The following ARID3B variants were observed in gnomAD, a reference collection of about 807,000 sequenced individuals.
ARID3B encodes AT-rich interactive domain-containing protein 3B.
Under a neutral mutation model 51.9 loss-of-function variants are expected in ARID3B, and 10 were observed. That is an observed-to-expected ratio of 0.19 (90% CI 0.12 to 0.33). The LOEUF is 0.33. Ranked by LOEUF, ARID3B falls within the 10% of genes least tolerant of loss-of-function variation. The pLI, the probability that ARID3B is intolerant of heterozygous loss-of-function variation, is 1.00. For missense variants in ARID3B, 483 were observed against 716.3 expected (o/e 0.67, Z 3.72); for synonymous variants, 205 against 279.5 (o/e 0.73, Z 2.66).
chr15:74,544,935 C>T (rs888368882), intron 2 of ARID3B, among the ~76,000 whole-genome samples: 3 of 152,158 alleles, frequency 2.0e-5, no homozygotes, highest in African/African-American at 7.2e-5. Context: ...CGTGATCTGC[C>T]TGCCTCGGCC....
At chr15:74,578,042 A>G (rs1222358115) in intron 4 of ARID3B, among the ~76,000 whole-genome samples, 1 of 151,594 alleles carries the variant, frequency 6.6e-6, no homozygotes, top group Non-Finnish European at 1.5e-5. Flanking sequence ...ATTTTTTAGT[A>G]AAAACAGTTT....
intron 4 of ARID3B, among the ~76,000 whole-genome samples, chr15:74,585,511 A>G (rs1221783228): frequency 6.6e-6 from 1 of 152,226 alleles, no homozygotes; most frequent in Non-Finnish European, 1.5e-5. Flanking sequence ...TCCTAAAACC[A>G]TGTGATTCTC....
Position 74,597,364 on chromosome 15 carries a change from G to T in ARID3B, c.*1590G>T. On this transcript the variant is annotated 3_prime_UTR_variant, in exon 9 of 9. Coordinates refer to ENST00000346246, the MANE Select transcript of ARID3B (RefSeq NM_006465.4). ...GCGCGTGGCGTGGGTGTGTGTGGCA[G>T]CGTGGCTCGCATTCAGTCCTGTGTA... is the stretch of plus-strand genomic sequence containing the variant. The T allele has an allele frequency of 2.3e-6, 1 of 431,238 alleles. No individual in the cohort carries two copies. The highest frequency in any genetic ancestry group is 4.2e-5 in the East Asian group (1 of 23,970). The allele number at this position is 431,238 out of a possible 1,614,324, so 26.7% of individuals were successfully genotyped here.
chr15:74,576,673 C>CT (rs963112142), intron 4 of ARID3B, among the ~76,000 whole-genome samples: 7 of 151,594 alleles, frequency 4.6e-5, no homozygotes, highest in African/African-American at 1.5e-4. Context: ...AAAAAAAAAA[C>CT]TTTTTATGAA....
At chr15:74,572,989 C>T in intron 3 of ARID3B, 56 bp downstream of exon 3, 6 of 1,601,268 alleles carry the variant, frequency 3.7e-6, no homozygotes, top group South Asian at 1.1e-5. Context: ...TGGCTTGTTA[C>T]AGCTGATTCC....
chr15:74,567,980 G>A (rs2065741983), intron 2 of ARID3B, among the ~76,000 whole-genome samples: 1 of 152,168 alleles, frequency 6.6e-6, no homozygotes, highest in Admixed American at 6.5e-5. Flanking sequence ...AGTGTAAGCT[G>A]CCATCTTCCT....
rs369880152 is a variant in ARID3B at position 74,580,671 on chromosome 15, A to C, written c.697+7467A>C. ...AGTGACTCACCTAAGGCCACAGAGC[A>C]GACTTAGCACGCGGTCTCCTAACTC... On this transcript the variant is annotated intron_variant, in intron 4 of 8. Transcript: ENST00000346246. 1.9e-3 allele frequency among the ~76,000 whole-genome samples: 296 copies of C among 152,342 alleles called. 1 individual carries two copies. Among genetic ancestry groups the C allele is most frequent in the African/African-American group, 6.4e-3 (265 of 41,578 alleles).
chr15:74,552,368 T>C (rs1229071238), intron 2 of ARID3B, among the ~76,000 whole-genome samples: 1 of 7,866 alleles, frequency 1.3e-4, no homozygotes, highest in African/African-American at 5.0e-4. Context: ...GCTAATTTTG[T>C]ATTTTTGGTA....
At chr15:74,584,651 C>T (rs944589511) in intron 4 of ARID3B, among the ~76,000 whole-genome samples, 6 of 152,246 alleles carry the variant, frequency 3.9e-5, no homozygotes, top group African/African-American at 1.2e-4. Context: ...TCATCTTTGT[C>T]TCCAAAGCCA....
chr15:74,549,230 A>G (rs1184542876), intron 2 of ARID3B, among the ~76,000 whole-genome samples: 1 of 151,718 alleles, frequency 6.6e-6, no homozygotes, highest in Non-Finnish European at 1.5e-5. Flanking sequence ...GCCCGCCACC[A>G]CGCCCGGCTA....
At chr15:74,570,275 A>G (rs1053668982) in intron 2 of ARID3B, among the ~76,000 whole-genome samples, 3 of 152,008 alleles carry the variant, frequency 2.0e-5, no homozygotes, top group Non-Finnish European at 4.4e-5. Context: ...GAGCGCTCAC[A>G]CTTGGGTGTT....
At chr15:74,585,874 C>T (rs941617490) in intron 4 of ARID3B, among the ~76,000 whole-genome samples, 3 of 152,208 alleles carry the variant, frequency 2.0e-5, no homozygotes, top group African/African-American at 4.8e-5. Flanking sequence ...ATCAAAGACG[C>T]GGCAGGCTTT....
At chr15:74,561,279 T>A (rs1298875795) in intron 2 of ARID3B, among the ~76,000 whole-genome samples, 1 of 152,200 alleles carries the variant, frequency 6.6e-6, no homozygotes, top group African/African-American at 2.4e-5. Context: ...CTTTACTACA[T>A]CTAGAATGAA....
At chr15:74,565,185 T>C (rs1432932071) in intron 2 of ARID3B, among the ~76,000 whole-genome samples, 3 of 152,028 alleles carry the variant, frequency 2.0e-5, no homozygotes, top group African/African-American at 2.4e-5. Flanking sequence ...GCTGGGACTA[T>C]AGGCATGTGC....
chr15:74,573,321 A>T, intron 4 of ARID3B, 117 bp downstream of exon 4: 1 of 1,116,786 alleles, frequency 9.0e-7, no homozygotes, highest in Non-Finnish European at 1.4e-6. Flanking sequence ...GAGAAGAGGC[A>T]TTTACTGCCA....
At position 74,596,183 on chromosome 15, in the gene ARID3B, A is replaced by G. The variant is rs1446459249; in HGVS notation, c.*409A>G. 4.1e-6 allele frequency: 1 copy of G among 246,910 alleles called. No homozygotes were observed. Among genetic ancestry groups the G allele is most frequent in the African/African-American group, 2.2e-5 (1 of 45,646 alleles). The allele number at this position is 246,910 out of a possible 1,614,324, so 15.3% of individuals were successfully genotyped here. ...TGCCTTCTGCCATGACCCCAGGGCC[A>G]CTAGTCTCTTCCCCTGTTTTTAAGT... On this transcript the variant is annotated 3_prime_UTR_variant, in exon 9 of 9. Coordinates refer to ENST00000346246, the MANE Select transcript of ARID3B (RefSeq NM_006465.4).
At chr15:74,575,856 A>G (rs1006140678) in intron 4 of ARID3B, among the ~76,000 whole-genome samples, 1 of 152,158 alleles carries the variant, frequency 6.6e-6, no homozygotes, top group Non-Finnish European at 1.5e-5. Flanking sequence ...TGACTTTGGG[A>G]TGGGTAGTCC....
At position 74,591,965 on chromosome 15, in the gene ARID3B, G is replaced by A. The variant is rs1374371598; in HGVS notation, c.1420+151G>A. The A allele has an allele frequency of 7.7e-7, 1 of 1,302,244 alleles. No individual in the cohort carries two copies. The highest frequency in any genetic ancestry group is 1.5e-5 in the African/African-American group (1 of 67,210). 80.7% of individuals were successfully genotyped at this position (1,302,244 alleles called of 1,614,324 possible). A position where few individuals can be genotyped will look rare whatever the true frequency, so the allele number is the denominator to read the frequency against. ...CTGCCTTCCAGGCCCCTAGAAGAGA[G>A]GCACTGAGATCTTAGTTCACCAAGC... On this transcript the variant is annotated intron_variant, in intron 7 of 8. Coordinates refer to ENST00000346246, the MANE Select transcript of ARID3B (RefSeq NM_006465.4). This position sits in a 1 kb window ranked among gnomAD's most constrained non-coding sequence, Gnocchi z 5.8.
At chr15:74,575,201 A>G (rs1222287222) in intron 4 of ARID3B, among the ~76,000 whole-genome samples, 1 of 152,022 alleles carries the variant, frequency 6.6e-6, no homozygotes, top group African/African-American at 2.4e-5. Flanking sequence ...TGCCATAGCA[A>G]TATAGATTTT....
Sources: gnomAD v4.1 joint callset for allele counts (sites outside exome capture counted in the v4.1 genomes callset) on GRCh38, gnomAD v4.1.1 for gene constraint, Gnocchi (gnomAD v3.1) non-coding constraint, MANE v1.5 for transcripts, NCBI Gene and HGNC (gene_info 2026-07-23, HGNC 2026-07-21) for gene names.